Variants in SAMD5 observed in about 807,000 individuals in gnomAD.
SAMD5 encodes sterile alpha motif domain-containing protein 5.
A neutral mutation model predicts 11.3 loss-of-function variants in SAMD5; 13 were observed. The ratio of observed to expected loss-of-function variants is 1.15; its 90% confidence interval spans 0.75 to 1.83. SAMD5 has a LOEUF of 1.83. SAMD5 is among the 40% of genes most tolerant of loss of function. SAMD5 has a pLI of 0.00. For missense variants in SAMD5, 255 were observed against 239.1 expected (o/e 1.07, Z -0.44); for synonymous variants, 129 against 111.3 (o/e 1.16, Z -1.00).
chr6:147,862,583 C>A, the SAMD5 span, among the ~76,000 whole-genome samples: 14 of 152,090 alleles, frequency 9.2e-5, no homozygotes, highest in African/African-American at 3.4e-4. Context: ...TTTTGAAAGG[C>A]CAGATGTGAG....
chr6:147,847,205 C>T, the SAMD5 span, among the ~76,000 whole-genome samples: 1 of 152,228 alleles, frequency 6.6e-6, no homozygotes, highest in South Asian at 2.1e-4. Flanking sequence ...AAGGAAAAAT[C>T]TCCCAGTTTA....
chr6:147,631,485 C>G (rs140451803), intron 1 of SAMD5, among the ~76,000 whole-genome samples: 1 of 151,970 alleles, frequency 6.6e-6, no homozygotes. Flanking sequence ...AGATTGATGC[C>G]GGTAAGAGGT....
chr6:147,814,071 T>C, the SAMD5 span, among the ~76,000 whole-genome samples: 1 of 152,072 alleles, frequency 6.6e-6, no homozygotes, highest in African/African-American at 2.4e-5. Context: ...CGGAGGGAGA[T>C]TTTTAATACT....
At chr6:147,663,913 T>A (rs1224433408) in intron 1 of SAMD5, among the ~76,000 whole-genome samples, 1 of 151,826 alleles carries the variant, frequency 6.6e-6, no homozygotes, top group Non-Finnish European at 1.5e-5. Context: ...ATTTTTTTTT[T>A]TTTTTTTAGA....
At chr6:147,911,473 A>G in the SAMD5 span, among the ~76,000 whole-genome samples, 1 of 152,212 alleles carries the variant, frequency 6.6e-6, no homozygotes, top group African/African-American at 2.4e-5. Context: ...ACTCTGAGCT[A>G]CAAAGCCAAA....
intron 1 of SAMD5, among the ~76,000 whole-genome samples, chr6:147,607,807 T>G (rs975860638): frequency 6.6e-6 from 1 of 152,212 alleles, no homozygotes; most frequent in Admixed American, 6.5e-5. Flanking sequence ...AAAAAGCTTC[T>G]GCACAGCAAA....
chr6:147,877,723 G>A, the SAMD5 span, among the ~76,000 whole-genome samples: 1 of 151,878 alleles, frequency 6.6e-6, no homozygotes, highest in African/African-American at 2.4e-5. Flanking sequence ...GTTTGTGCAA[G>A]AAGAAAGGAA....
intron 1 of SAMD5, among the ~76,000 whole-genome samples, chr6:147,541,135 A>G (rs931215768): frequency 6.6e-6 from 1 of 151,826 alleles, no homozygotes; most frequent in African/African-American, 2.4e-5. Flanking sequence ...TTTTTAGTAG[A>G]GACAGGGTTT....
chr6:147,568,147 C>G lies in SAMD5; in HGVS notation c.*3691C>G. 1 of 985,216 alleles carries G rather than the reference C, an allele frequency of 1.0e-6. No individual in the cohort carries two copies. The highest frequency in any genetic ancestry group is 1.2e-6 in the Non-Finnish European group (1 of 829,866). The allele number at this position is 985,216 out of a possible 1,614,324, so 61.0% of individuals were successfully genotyped here. ...AAATTAGGAGTGCAAATGGGCTGTT[C>G]CCCGATAGCATCTTCTGGGAAGAAT... On this transcript the variant is annotated 3_prime_UTR_variant, in exon 2 of 2. Transcript: ENST00000367474.
At chr6:147,586,244 C>T (rs542960288) in intron 1 of SAMD5, among the ~76,000 whole-genome samples, 12 of 152,296 alleles carry the variant, frequency 7.9e-5, no homozygotes, top group East Asian at 1.9e-4. Flanking sequence ...TCTTCAATTA[C>T]GGGCAAACTG....
chr6:147,878,595 A>G, the SAMD5 span, among the ~76,000 whole-genome samples: 4 of 144,732 alleles, frequency 2.8e-5, no homozygotes, highest in Non-Finnish European at 4.5e-5. Context: ...AGATATATAT[A>G]CATATATATC....
chr6:147,909,616 C>CTT, the SAMD5 span, among the ~76,000 whole-genome samples: 139 of 70,036 alleles, frequency 2.0e-3, 15 homozygotes, highest in African/African-American at 0.011. Flanking sequence ...TTCTTTCTTT[C>CTT]TTTCTTTCTT....
chr6:147,858,328 A>G, the SAMD5 span, among the ~76,000 whole-genome samples: 3 of 152,230 alleles, frequency 2.0e-5, no homozygotes, highest in East Asian at 1.9e-4. Context: ...GCCTTCTTCA[A>G]ATATTGCTCT....
chr6:147,930,903 T>C, the SAMD5 span, among the ~76,000 whole-genome samples: 1 of 152,228 alleles, frequency 6.6e-6, no homozygotes, highest in Non-Finnish European at 1.5e-5. Context: ...TCGCCCACGC[T>C]GAGGGCAGGT....
At chr6:147,761,033 T>G in the SAMD5 span, among the ~76,000 whole-genome samples, 1 of 152,166 alleles carries the variant, frequency 6.6e-6, no homozygotes, top group Non-Finnish European at 1.5e-5. Flanking sequence ...TTTTAGCAGT[T>G]TTCATACATG....
At chr6:147,861,753 A>G in the SAMD5 span, among the ~76,000 whole-genome samples, 2 of 152,112 alleles carry the variant, frequency 1.3e-5, no homozygotes, top group African/African-American at 4.8e-5. Flanking sequence ...TTTCCTTTCC[A>G]GGACCCATCC....
the SAMD5 span, among the ~76,000 whole-genome samples, chr6:147,841,850 C>T: frequency 2.6e-5 from 4 of 152,078 alleles, no homozygotes; most frequent in East Asian, 5.8e-4. Flanking sequence ...AGCTAAAAAG[C>T]CTTTTTTGGA....
the SAMD5 span, among the ~76,000 whole-genome samples, chr6:147,907,877 T>G: frequency 6.6e-6 from 1 of 152,254 alleles, no homozygotes; most frequent in Non-Finnish European, 1.5e-5. Context: ...CATGCTCAGG[T>G]GCATTCATTT....
chr6:147,794,828 C>A, the SAMD5 span, among the ~76,000 whole-genome samples: 2 of 151,830 alleles, frequency 1.3e-5, no homozygotes, highest in African/African-American at 4.8e-5. Flanking sequence ...CATTATAGGA[C>A]TCACCTGTTA....
Sources: allele counts gnomAD v4.1 joint callset (sites outside exome capture counted in the v4.1 genomes callset), GRCh38; gene constraint gnomAD v4.1.1; transcripts MANE v1.5; gene names NCBI Gene and HGNC (gene_info 2026-07-23, HGNC 2026-07-21).